SOCS5: variants seen among roughly 807,000 people sequenced by gnomAD.
SOCS5 encodes CIS-6.
In SOCS5, 32 loss-of-function variants were observed where a neutral mutation model predicts 42.8. That is an observed-to-expected ratio of 0.75 (90% CI 0.56 to 1.01). The LOEUF (loss-of-function observed/expected upper bound fraction) is 1.01. Ranked by LOEUF, SOCS5 falls within the 50% of genes least tolerant of loss-of-function variation. The pLI is 0.00. For synonymous variants in SOCS5, 283 were observed against 229.6 expected (o/e 1.23, Z -2.10); for missense variants, 627 against 653.0 (o/e 0.96, Z 0.43).
At chr2:46,717,106 C>G (rs1672764538) in intron 1 of SOCS5, among the ~76,000 whole-genome samples, 1 of 152,180 alleles carries the variant, frequency 6.6e-6, no homozygotes, top group Non-Finnish European at 1.5e-5. Flanking sequence ...TGGCCAGAAA[C>G]TCGAGAAGAC....
chr2:46,715,371 C>CA (rs70940637), intron 1 of SOCS5, among the ~76,000 whole-genome samples: 10,100 of 108,772 alleles, frequency 0.093, 346 homozygotes, highest in Middle Eastern at 0.16. Flanking sequence ...AACACCCTGT[C>CA]AAAAAAAAAA....
At chr2:46,707,327 A>G (rs1414034253) in intron 1 of SOCS5, among the ~76,000 whole-genome samples, 2 of 152,248 alleles carry the variant, frequency 1.3e-5, no homozygotes, top group African/African-American at 4.8e-5. Context: ...TAATAAGGCT[A>G]TGAAAATAAG....
At chr2:46,720,455 C>T (rs1672853830) in intron 1 of SOCS5, among the ~76,000 whole-genome samples, 1 of 152,160 alleles carries the variant, frequency 6.6e-6, no homozygotes, top group Non-Finnish European at 1.5e-5. Context: ...GGCTATTTTA[C>T]TACTTTGTGT....
intron 1 of SOCS5, among the ~76,000 whole-genome samples, chr2:46,707,618 G>A (rs1672525582): frequency 6.6e-6 from 1 of 152,194 alleles, no homozygotes; most frequent in Non-Finnish European, 1.5e-5. Context: ...TAGCCATATA[G>A]GAGTTTGGAT....
chr2:46,753,725 C>G (rs571018474), intron 1 of SOCS5, among the ~76,000 whole-genome samples: 2 of 152,072 alleles, frequency 1.3e-5, no homozygotes, highest in Non-Finnish European at 2.9e-5. Flanking sequence ...ATATGCTAAA[C>G]AAGGGGTGGG....
chr2:46,705,080 G>T (rs1672432153), intron 1 of SOCS5, among the ~76,000 whole-genome samples: 1 of 152,164 alleles, frequency 6.6e-6, no homozygotes, highest in Admixed American at 6.5e-5. Context: ...CACTATTTCT[G>T]ACTGTTTATT....
At chr2:46,700,795 C>A (rs1672325302) in intron 1 of SOCS5, among the ~76,000 whole-genome samples, 1 of 152,172 alleles carries the variant, frequency 6.6e-6, no homozygotes, top group African/African-American at 2.4e-5. Flanking sequence ...ACCTCCATGG[C>A]AGTCCGTGGC....
intron 1 of SOCS5, among the ~76,000 whole-genome samples, chr2:46,728,629 C>T (rs1328212592): frequency 6.6e-6 from 1 of 152,108 alleles, no homozygotes; most frequent in East Asian, 1.9e-4. Context: ...CTATCTCAGT[C>T]ACTGCGACCT....
intron 1 of SOCS5, among the ~76,000 whole-genome samples, chr2:46,723,817 G>A (rs747682478): frequency 2.8e-4 from 42 of 151,990 alleles, no homozygotes; most frequent in Non-Finnish European, 5.2e-4. Flanking sequence ...TCCTGGGGAG[G>A]GGTTGATTAG....
At chr2:46,738,969 A>G (rs1479175315) in intron 1 of SOCS5, among the ~76,000 whole-genome samples, 1 of 152,242 alleles carries the variant, frequency 6.6e-6, no homozygotes, top group Non-Finnish European at 1.5e-5. Flanking sequence ...TTGTGGCTGA[A>G]TAATGTCATA....
rs529490359 is a variant in SOCS5 at position 46,726,529 on chromosome 2, C to T, written c.-13+27080C>T. Among the ~76,000 whole-genome samples, 3 of 152,274 alleles carry T rather than the reference C, an allele frequency of 2.0e-5. No individual in the cohort carries two copies. The East Asian group carries it at 5.8e-4, about 29-fold the overall frequency. On this transcript the variant is annotated intron_variant, in intron 1 of 1. Coordinates refer to ENST00000394861, the MANE Select transcript of SOCS5 (RefSeq NM_144949.3). ...TTTCTCCATTGCTGTCTTTCACTCT[C>T]CTTTCAGGATACCAGTGACACGAAT...
chr2:46,714,581 A>G (rs1672698405), intron 1 of SOCS5, among the ~76,000 whole-genome samples: 1 of 152,162 alleles, frequency 6.6e-6, no homozygotes, highest in Non-Finnish European at 1.5e-5. Context: ...ATCTAGTCTG[A>G]TAATCTCTCC....
chr2:46,707,176 G>T lies in SOCS5; in HGVS notation c.-13+7727G>T, dbSNP rs75636802. Among the ~76,000 whole-genome samples the T allele has an allele frequency of 2.8e-4, 43 of 152,230 alleles. No individual in the cohort carries two copies. In the East Asian group the frequency reaches 8.3e-3, roughly 29 times the overall value. ...ACAAATGTGGAGAAAGTTGAATTAT[G>T]GTTCTCTTTGTGCCTGTCAGTCAAA... On this transcript the variant is annotated intron_variant, in intron 1 of 1. Transcript: ENST00000394861.
At chr2:46,735,793 C>G (rs537759684) in intron 1 of SOCS5, among the ~76,000 whole-genome samples, 4 of 151,764 alleles carry the variant, frequency 2.6e-5, no homozygotes, top group Non-Finnish European at 2.9e-5. Flanking sequence ...ACATTGATGT[C>G]TTTTCTTATA....
Position 46,760,990 on chromosome 2 carries a change from G to C in SOCS5, c.*849G>C, listed in dbSNP as rs1474305480. 6.0e-6 allele frequency: 1 copy of C among 167,062 alleles called. No individual in the cohort carries two copies. The highest frequency in any genetic ancestry group is 1.9e-4 in the East Asian group (1 of 5,208). 10.3% of individuals were successfully genotyped at this position (167,062 alleles called of 1,614,324 possible). On this transcript the variant is annotated 3_prime_UTR_variant, in exon 2 of 2. Transcript: ENST00000394861. ...GTGAACCGTGAAGTACGTGAGACTA[G>C]AAGACGCCCAAACAAGTCAGATAAT...
In SOCS5 at chr2:46,758,405, G is replaced by A. The variant is rs41483445; in HGVS notation, c.-12-114G>A. 10,315 of 706,354 alleles carry A rather than the reference G, an allele frequency of 0.015. 817 individuals are homozygous for A. The African/African-American group carries it at 0.16, about 11-fold the overall frequency. 43.8% of individuals were successfully genotyped at this position (706,354 alleles called of 1,614,324 possible). The stretch of plus-strand genomic sequence containing the variant: ...CTTCAGCAGGGCAGCGTAGGTGAAC[G>A]CTTGGCCAGTATCACTGAAATTCTG... On this transcript the variant is annotated intron_variant, in intron 1 of 1. Transcript: ENST00000394861.
At chr2:46,729,628 A>G (rs1041620434) in intron 1 of SOCS5, among the ~76,000 whole-genome samples, 8 of 152,218 alleles carry the variant, frequency 5.3e-5, no homozygotes, top group Non-Finnish European at 1.5e-5. Flanking sequence ...ACACCTGTAT[A>G]GGGCACTTGT....
At position 46,759,181 on chromosome 2, in the gene SOCS5, A is replaced by G. The variant is rs1307290629; in HGVS notation, c.651A>G (p.Lys217=). ...KIHLSELMLE[K]CPFPAGSDLA... ...ATCTCTCTGAATTAATGCTTGAGAA[A>G]TGCCCTTTTCCTGCTGGCTCAGATT... The change falls in exon 2 of 2, where the codon AAA becomes AAG. Residue 217 remains lysine, a synonymous_variant. Coordinates refer to ENST00000394861, the MANE Select transcript of SOCS5 (RefSeq NM_144949.3). 6.2e-7 allele frequency: 1 copy of G among 1,613,884 alleles called. No individual in the cohort carries two copies. Among genetic ancestry groups the G allele is most frequent in the Non-Finnish European group, 8.5e-7 (1 of 1,179,880 alleles).
At chr2:46,702,010 C>G (rs1049078401) in intron 1 of SOCS5, among the ~76,000 whole-genome samples, 1 of 151,576 alleles carries the variant, frequency 6.6e-6, no homozygotes, top group African/African-American at 2.4e-5. Context: ...TAGAGAAAGA[C>G]AGGATTTGTA....
Sources: allele counts gnomAD v4.1 joint callset (sites outside exome capture counted in the v4.1 genomes callset), GRCh38; gene constraint gnomAD v4.1.1; transcripts MANE v1.5; gene names NCBI Gene and HGNC (gene_info 2026-07-23, HGNC 2026-07-21).